The following ARID1B variants were observed in gnomAD, a reference collection of about 807,000 sequenced individuals.
ARID1B encodes AT-rich interactive domain-containing protein 1B.
Under a neutral mutation model 212.3 loss-of-function variants are expected in ARID1B, and 30 were observed. The observed-to-expected ratio is 0.14, with a 90% CI of 0.11 to 0.19. ARID1B has a LOEUF of 0.19. Among genes scored for constraint, ARID1B ranks in the 10% least tolerant of loss-of-function variants. The pLI, the probability that ARID1B is intolerant of heterozygous loss-of-function variation, is 1.00. For synonymous variants in ARID1B, 1,402 were observed against 1,301.7 expected (o/e 1.08, Z -1.66); for missense variants, 2,891 against 3,204.0 (o/e 0.90, Z 2.36).
chr6:157,205,638 T>C (rs1320716205), intron 19 of ARID1B: 3 of 153,416 alleles, frequency 2.0e-5, no homozygotes, highest in Non-Finnish European at 4.4e-5. Context: ...CCAAAAGATA[T>C]ATAGAGAACA....
At chr6:156,849,040 A>T (rs1313674889) in intron 2 of ARID1B, among the ~76,000 whole-genome samples, 2 of 152,250 alleles carry the variant, frequency 1.3e-5, no homozygotes, top group Non-Finnish European at 2.9e-5. Flanking sequence ...ACTGAGCACC[A>T]GGTTCCTGGA....
intron 4 of ARID1B, among the ~76,000 whole-genome samples, chr6:156,961,974 A>G (rs933016859): frequency 6.6e-6 from 1 of 152,002 alleles, no homozygotes; most frequent in Middle Eastern, 3.2e-3. Flanking sequence ...CTCTGATAGA[A>G]TAATTTTACA....
intron 4 of ARID1B, among the ~76,000 whole-genome samples, chr6:156,984,246 G>C (rs959446395): frequency 1.3e-5 from 2 of 152,278 alleles, no homozygotes; most frequent in East Asian, 3.9e-4. Flanking sequence ...GAATGAGGGA[G>C]CCATGGCAGG....
At chr6:157,090,382 G>A (rs1257978541) in intron 5 of ARID1B, among the ~76,000 whole-genome samples, 2 of 152,238 alleles carry the variant, frequency 1.3e-5, no homozygotes, top group African/African-American at 2.4e-5. Context: ...AGATTTTTCC[G>A]CATTCTTTTT....
intron 12 of ARID1B, among the ~76,000 whole-genome samples, chr6:157,181,562 T>A (rs1792535967): frequency 6.6e-6 from 1 of 152,236 alleles, no homozygotes; most frequent in Non-Finnish European, 1.5e-5. Flanking sequence ...ATAAGTCACA[T>A]TTACTGCTTC....
intron 1 of ARID1B, among the ~76,000 whole-genome samples, chr6:156,781,826 C>T (rs988666115): frequency 3.3e-5 from 5 of 151,946 alleles, no homozygotes; most frequent in Admixed American, 2.6e-4. Flanking sequence ...TTCACATCTT[C>T]GTAAACTAGA....
chr6:156,894,580 G>T (rs1275143637), intron 2 of ARID1B, among the ~76,000 whole-genome samples: 1 of 152,222 alleles, frequency 6.6e-6, no homozygotes, highest in African/African-American at 2.4e-5. Context: ...GAATTCAGTA[G>T]TGGGGAGTTT....
chr6:156,885,528 C>T (rs570331813), intron 2 of ARID1B, among the ~76,000 whole-genome samples: 1 of 152,280 alleles, frequency 6.6e-6, no homozygotes, highest in Admixed American at 6.5e-5. Context: ...CTTTCTGTTA[C>T]TGATTTTAAA....
chr6:156,829,095 C>G (rs975147476), intron 1 of ARID1B, 132 bp from the exon 2 acceptor site: 4 of 701,546 alleles, frequency 5.7e-6, no homozygotes, highest in Non-Finnish European at 6.8e-6. Flanking sequence ...GATGTTTTGT[C>G]AGGTCATTGT....
intron 6 of ARID1B, among the ~76,000 whole-genome samples, chr6:157,114,837 A>G (rs1583330519): frequency 6.6e-6 from 1 of 152,174 alleles, no homozygotes; most frequent in East Asian, 1.9e-4. Flanking sequence ...CTAGAGGTGC[A>G]GTTTTCTGAG....
At chr6:157,062,695 T>C (rs1213886814) in intron 4 of ARID1B, among the ~76,000 whole-genome samples, 1 of 125,280 alleles carries the variant, frequency 8.0e-6, no homozygotes, top group Admixed American at 7.7e-5. Flanking sequence ...TTTTAAAATA[T>C]ATATATATAT....
intron 6 of ARID1B, among the ~76,000 whole-genome samples, chr6:157,120,107 T>C (rs1787604820): frequency 6.6e-6 from 1 of 152,234 alleles, no homozygotes; most frequent in African/African-American, 2.4e-5. Context: ...AAAAGTAGTT[T>C]ATTTGCTTCT....
chr6:157,099,846 C>G lies in ARID1B; in HGVS notation c.2492-10626C>G, dbSNP rs186729279. ...AAGGTATATGGCCCTGTGAACGGTG[C>G]GTGGGAGCTGTCTTGTTCTCTCAAG... is the stretch of plus-strand genomic sequence containing the variant. On this transcript the variant is annotated intron_variant, in intron 5 of 19. Transcript: ENST00000636930. 4.6e-5 allele frequency among the ~76,000 whole-genome samples: 7 copies of G among 152,198 alleles called. No individual in the cohort carries two copies. In the East Asian group the frequency reaches 1.4e-3, roughly 29 times the overall value.
chr6:156,815,563 T>G (rs1056794669), intron 1 of ARID1B, among the ~76,000 whole-genome samples: 1 of 152,330 alleles, frequency 6.6e-6, no homozygotes, highest in South Asian at 2.1e-4. Context: ...GACAGCAGGG[T>G]AATGACAGCA....
At chr6:157,046,127 T>G (rs986785327) in intron 4 of ARID1B, among the ~76,000 whole-genome samples, 16 of 152,242 alleles carry the variant, frequency 1.1e-4, no homozygotes, top group Non-Finnish European at 2.2e-4. Flanking sequence ...GGAAATACTT[T>G]ATGTATATTT....
chr6:157,181,084 G>A lies in ARID1B; in HGVS notation c.3620G>A (p.Gly1207Asp), dbSNP rs2128317288. ...TACCTCACCTTCATGGAAGAGAGAG[G>A]CTCTCCTGTCTCAAGTCTGCCTGCC... ...DRYLTFMEERGSPVSSLPAVG... is the reference protein window; with the variant it reads ...DRYLTFMEERDSPVSSLPAVG... Residue 1207 changes from glycine (G) to aspartate (D), a missense_variant, in exon 12 of 20, where the codon GGC becomes GAC. Gly to Asp is a moderately conservative substitution (Grantham distance 94). This residue lies in a region of ARID1B where 666 missense variants were observed against 873.5 expected (regional missense o/e 0.76). Transcript: ENST00000636930. 1.2e-6 allele frequency: 2 copies of A among 1,614,172 alleles called. No homozygotes were observed. The highest frequency in any genetic ancestry group is 2.2e-5 in the South Asian group (2 of 91,092).
intron 3 of ARID1B, among the ~76,000 whole-genome samples, chr6:156,921,171 C>A (rs894987299): frequency 2.0e-5 from 3 of 151,948 alleles, no homozygotes. Context: ...ATATTAGTCA[C>A]CTTGCTTGGA....
chr6:156,984,888 T>G (rs1310342983), intron 4 of ARID1B: 1 of 152,142 alleles, frequency 6.6e-6, no homozygotes, highest in Non-Finnish European at 1.5e-5. Flanking sequence ...GAGACGGGGT[T>G]TTGCCCTGTT....
chr6:156,779,302 C>T lies in ARID1B; in HGVS notation c.1622C>T (p.Ala541Val), dbSNP rs1779003459. 1 of 1,130,808 alleles carries T rather than the reference C, an allele frequency of 8.8e-7. No homozygotes were observed. Among genetic ancestry groups the T allele is most frequent in the South Asian group, 4.3e-5 (1 of 23,402 alleles). 70.0% of individuals were successfully genotyped at this position (1,130,808 alleles called of 1,614,324 possible). A position where few individuals can be genotyped will look rare whatever the true frequency, so the allele number is the denominator to read the frequency against. ...CCGTCGCAGCCCCAGTCCCAGGCGGCGGCGGCGGGGGCGGCGGCGGGCGGC... is the reference window on the plus strand; with the variant it reads ...CCGTCGCAGCCCCAGTCCCAGGCGGTGGCGGCGGGGGCGGCGGCGGGCGGC... ...PPPSQPQSQAAAAGAAAGGQQ... is the reference protein window; with the variant it reads ...PPPSQPQSQAVAAGAAAGGQQ... Residue 541 changes from alanine to valine, a missense_variant, in exon 1 of 20, where the codon GCG (alanine) becomes GTG (valine). Coordinates refer to ENST00000636930, the MANE Select transcript of ARID1B (RefSeq NM_001374828.1).
Sources: allele counts gnomAD v4.1 joint callset (sites outside exome capture counted in the v4.1 genomes callset), GRCh38; gene constraint gnomAD v4.1.1; regional missense constraint gnomAD v4.1.1; transcripts MANE v1.5; gene names NCBI Gene and HGNC (gene_info 2026-07-23, HGNC 2026-07-21).